Variants in FILIP1L observed in about 807,000 individuals in gnomAD.
FILIP1L encodes the protein filamin A-interacting protein 1-like.
In FILIP1L, 55 loss-of-function variants were observed where a neutral mutation model predicts 96.6. The ratio of observed to expected loss-of-function variants is 0.57; its 90% CI spans 0.46 to 0.71. The LOEUF (loss-of-function observed/expected upper bound fraction) is 0.71, where lower values mean the gene tolerates loss of function less well. Ranked by LOEUF, FILIP1L falls within the 30% of genes least tolerant of loss-of-function variation. The pLI, the probability that FILIP1L is intolerant of heterozygous loss-of-function variation, is 0.00. For missense variants in FILIP1L, 1,304 were observed against 1,321.2 expected, an observed-to-expected ratio of 0.99 and a Z score of 0.20; for synonymous variants, 467 against 473.9, an observed-to-expected ratio of 0.99 and a Z score of 0.19.
intron 5 of FILIP1L, among the ~76,000 whole-genome samples, chr3:99,843,355 A>G (rs984803613): frequency 1.3e-5 from 2 of 152,190 alleles, no homozygotes; most frequent in African/African-American, 4.8e-5. Context: ...ACCCAATAAA[A>G]TGGAAGTTTT....
At chr3:99,980,427 A>G (rs986868672) in intron 1 of FILIP1L, among the ~76,000 whole-genome samples, 6 of 152,194 alleles carry the variant, frequency 3.9e-5, no homozygotes, top group Non-Finnish European at 2.9e-5. Context: ...TAACTGCCCC[A>G]TCAAGGTCTG....
At position 99,830,216 on chromosome 3, in the gene FILIP1L, A is replaced by C. The variant is rs957672728; in HGVS notation, c.*198T>G. 6.7e-6 allele frequency: 2 copies of C among 297,884 alleles called. No homozygotes were observed. The highest frequency in any genetic ancestry group is 2.2e-5 in the African/African-American group (1 of 46,138). The allele number at this position is 297,884 out of a possible 1,614,324, so 18.5% of individuals were successfully genotyped here. On this transcript the variant is annotated 3_prime_UTR_variant, in exon 6 of 6. Coordinates refer to ENST00000477258, the MANE Select transcript of FILIP1L (RefSeq NM_001387850.1). ...ATTTGGGTGTGGGTCTAGGCCTGCGAGTGTTTGTGTGTGCATATACACATA... is the reference window on the plus strand; with the variant it reads ...ATTTGGGTGTGGGTCTAGGCCTGCGCGTGTTTGTGTGTGCATATACACATA...
intron 4 of FILIP1L, among the ~76,000 whole-genome samples, chr3:99,893,863 G>A (rs180718984): frequency 2.9e-4 from 44 of 152,226 alleles, no homozygotes; most frequent in African/African-American, 9.4e-4. Flanking sequence ...AACCCAAGAC[G>A]TTTTGAAGGT....
chr3:100,065,450 A>G (rs2065647675), intron 1 of FILIP1L, among the ~76,000 whole-genome samples: 1 of 152,206 alleles, frequency 6.6e-6, no homozygotes, highest in Non-Finnish European at 1.5e-5. Flanking sequence ...TCTAGATTCA[A>G]TCCCAGTTCT....
chr3:99,987,223 T>C (rs1249028263), intron 1 of FILIP1L, among the ~76,000 whole-genome samples: 1 of 133,374 alleles, frequency 7.5e-6, no homozygotes, highest in Non-Finnish European at 1.6e-5. Flanking sequence ...AGTAAGACCC[T>C]GTCTCTTAAG....
At chr3:100,055,753 G>T (rs1291029153) in intron 1 of FILIP1L, among the ~76,000 whole-genome samples, 2 of 152,160 alleles carry the variant, frequency 1.3e-5, no homozygotes, top group Non-Finnish European at 2.9e-5. Flanking sequence ...ATTTAGAAAA[G>T]AGAGATAGGC....
At chr3:99,908,769 GTTA>G (rs1576565005) in intron 4 of FILIP1L, among the ~76,000 whole-genome samples, 2 of 152,202 alleles carry the variant, frequency 1.3e-5, no homozygotes, top group Middle Eastern at 3.4e-3. Flanking sequence ...AAATGTAATT[GTTA>G]TTATCACTAA....
In FILIP1L at chr3:99,829,047, A is replaced by G. The variant is rs1472196193; in HGVS notation, c.*1367T>C. Among the ~76,000 whole-genome samples, 2 of 152,036 alleles carry G rather than the reference A, an allele frequency of 1.3e-5. No homozygotes were observed. The highest frequency in any genetic ancestry group is 4.8e-5 in the African/African-American group (2 of 41,388). On this transcript the variant is annotated 3_prime_UTR_variant, in exon 6 of 6. Coordinates refer to ENST00000477258, the MANE Select transcript of FILIP1L (RefSeq NM_001387850.1). Reference sequence around the variant, plus strand: ...CTGGGGGTGTTTGTACAGTGGCATTAGTGCAATGAGGTGGACTTAGTTAGA... The same window carrying G: ...CTGGGGGTGTTTGTACAGTGGCATTGGTGCAATGAGGTGGACTTAGTTAGA...
chr3:100,065,576 T>G (rs2065649606), intron 1 of FILIP1L, among the ~76,000 whole-genome samples: 1 of 152,210 alleles, frequency 6.6e-6, no homozygotes, highest in Admixed American at 6.5e-5. Context: ...TCTTCCACTT[T>G]TCATCTTACT....
chr3:99,981,306 G>C (rs1709116227), intron 1 of FILIP1L, among the ~76,000 whole-genome samples: 1 of 152,176 alleles, frequency 6.6e-6, no homozygotes, highest in Non-Finnish European at 1.5e-5. Flanking sequence ...ACTAAGCTCT[G>C]ATGTCACATC....
At chr3:100,065,224 C>G (rs1404919611) in intron 1 of FILIP1L, among the ~76,000 whole-genome samples, 1 of 152,142 alleles carries the variant, frequency 6.6e-6, no homozygotes, top group Non-Finnish European at 1.5e-5. Flanking sequence ...GGAGTACCAT[C>G]CAGCAATCTG....
In FILIP1L at chr3:100,044,374, G is replaced by T. The variant is rs192015839; in HGVS notation, c.-11+69679C>A. Among the ~76,000 whole-genome samples, 1,099 of 152,054 alleles carry T rather than the reference G, an allele frequency of 7.2e-3. 4 individuals are homozygous for T. Among genetic ancestry groups the T allele is most frequent in the African/African-American group, 0.01 (417 of 41,358 alleles). On this transcript the variant is annotated intron_variant, in intron 1 of 5. Coordinates refer to ENST00000477258, the MANE Select transcript of FILIP1L (RefSeq NM_001387850.1). ...CATAGTATAAAGAAGTAACACAGGG[G>T]TAATCTGTCAAGGGGGGCAGTGAAA... is the stretch of plus-strand genomic sequence containing the variant.
At chr3:99,924,171 G>C (rs1160734653) in intron 4 of FILIP1L, 59 bp downstream of exon 4, 36 of 1,407,544 alleles carry the variant, frequency 2.6e-5, no homozygotes, top group Non-Finnish European at 3.4e-5. Context: ...CTGAGACCTG[G>C]TACAGTGGCC....
At chr3:99,906,048 C>A (rs146728254) in intron 4 of FILIP1L, among the ~76,000 whole-genome samples, 2 of 152,076 alleles carry the variant, frequency 1.3e-5, no homozygotes, top group African/African-American at 4.8e-5. Flanking sequence ...CAAACATTAG[C>A]TGGGCATGGT....
rs776386635 is a variant in FILIP1L, at chr3:99,930,758, A to G, written c.252+11T>C. On this transcript the variant is annotated intron_variant, in intron 2 of 5. Coordinates refer to ENST00000477258, the MANE Select transcript of FILIP1L (RefSeq NM_001387850.1). ...TTGAAGCATGATGGGGATAACTCCA[A>G]CCCAGCTGACCTGCAGTTCTCCCTC... is the stretch of plus-strand genomic sequence containing the variant. 2 of 1,612,844 alleles carry G rather than the reference A, an allele frequency of 1.2e-6. No homozygotes were observed. Among genetic ancestry groups the G allele is most frequent in the Non-Finnish European group, 8.5e-7 (1 of 1,179,488 alleles).
chr3:100,109,135 C>T (rs1312568308), intron 1 of FILIP1L, among the ~76,000 whole-genome samples: 1 of 150,292 alleles, frequency 6.7e-6, no homozygotes, highest in Non-Finnish European at 1.5e-5. Context: ...TCTCAGGCCT[C>T]AATTCTTCCG....
intron 1 of FILIP1L, among the ~76,000 whole-genome samples, chr3:100,021,692 C>A (rs1195732533): frequency 2.0e-5 from 3 of 152,102 alleles, no homozygotes; most frequent in African/African-American, 7.2e-5. Flanking sequence ...TTTAAAATCT[C>A]AAAAGATCTA....
chr3:99,936,641 G>A (rs1365722933), intron 1 of FILIP1L, among the ~76,000 whole-genome samples: 5 of 149,656 alleles, frequency 3.3e-5, no homozygotes, highest in South Asian at 2.1e-4. Flanking sequence ...CAAAATGCAG[G>A]GATTACAGGC....
chr3:100,045,929 G>A (rs1467086631), intron 1 of FILIP1L, among the ~76,000 whole-genome samples: 3 of 152,132 alleles, frequency 2.0e-5, no homozygotes, highest in Non-Finnish European at 1.5e-5. Context: ...GGAAGGGGGA[G>A]GAGGCGGAGC....
Sources: allele counts gnomAD v4.1 joint callset (sites outside exome capture counted in the v4.1 genomes callset), GRCh38; gene constraint gnomAD v4.1.1; transcripts MANE v1.5; gene names NCBI Gene and HGNC (gene_info 2026-07-23, HGNC 2026-07-21).